Variants in PCNX2 observed in about 807,000 individuals in gnomAD.
The protein encoded by PCNX2 is pecanex 2, also known as pecanex-like protein 2.
A neutral mutation model predicts 223.8 loss-of-function variants in PCNX2; 168 were observed. The ratio of observed to expected loss-of-function variants is 0.75; its 90% CI spans 0.66 to 0.85. The LOEUF (loss-of-function observed/expected upper bound fraction) is 0.85. Among genes scored for constraint, PCNX2 ranks in the 40% least tolerant of loss-of-function variants. PCNX2 has a pLI of 0.00. For synonymous variants in PCNX2, 1,006 were observed against 1,052.6 expected, an observed-to-expected ratio of 0.96 and a Z score of 0.86; for missense variants, 2,507 against 2,675.5, an observed-to-expected ratio of 0.94 and a Z score of 1.39.
chr1:233,307,505 A>T, the PCNX2 span, among the ~76,000 whole-genome samples: 1 of 152,338 alleles, frequency 6.6e-6, no homozygotes, highest in African/African-American at 2.4e-5. Flanking sequence ...CCCCTTGTAC[A>T]GCCAGCAGAA....
At chr1:233,248,729 G>C (rs867270628) in intron 8 of PCNX2, among the ~76,000 whole-genome samples, 3 of 152,082 alleles carry the variant, frequency 2.0e-5, no homozygotes, top group African/African-American at 7.2e-5. Flanking sequence ...CTATTCTGTG[G>C]ACTTGAAAAG....
Position 233,160,378 on chromosome 1 carries a change from T to G in PCNX2, c.3422A>C (p.His1141Pro), listed in dbSNP as rs377006937. 2 of 1,613,566 alleles carry G rather than the reference T, an allele frequency of 1.2e-6. No homozygotes were observed. Among genetic ancestry groups the G allele is most frequent in the South Asian group, 2.2e-5 (2 of 91,076 alleles). ...CTTGCGGAGCTGAGGGAGCACGTAA[T>G]GTGTTACAAACCCCACGGCTCCAGC... The part of the protein sequence containing the change: ...ALAGAVGFVT[H>P]YVLPQLRKHH... The change falls in exon 19 of 34, where the codon CAT (histidine) becomes CCT (proline). Residue 1141 changes from histidine (H) to proline (P), a missense_variant. Physicochemically the swap from His to Pro is moderately conservative, Grantham distance 77 (BLOSUM62 -2). Around this residue, in one of 3 missense-constraint regions of PCNX2, gnomAD observed 1,372 missense variants for 1,509.4 expected, o/e 0.91. Coordinates refer to ENST00000258229, the MANE Select transcript of PCNX2 (RefSeq NM_014801.4).
At chr1:233,235,861 C>G (rs1658355947) in intron 9 of PCNX2, among the ~76,000 whole-genome samples, 1 of 150,128 alleles carries the variant, frequency 6.7e-6, no homozygotes, top group African/African-American at 2.4e-5. Context: ...CTTGGCCTCC[C>G]AAAGTGCTGG....
chr1:233,042,549 A>G (rs1233933971), intron 25 of PCNX2, among the ~76,000 whole-genome samples: 1 of 152,172 alleles, frequency 6.6e-6, no homozygotes, highest in Non-Finnish European at 1.5e-5. Context: ...ATTATATCCA[A>G]TCTCCTCCCT....
chr1:233,222,692 T>C (rs550299634), intron 10 of PCNX2, among the ~76,000 whole-genome samples: 6 of 152,030 alleles, frequency 3.9e-5, no homozygotes, highest in African/African-American at 1.4e-4. Flanking sequence ...ACAGCGAAAA[T>C]AACTTCCTAC....
intron 7 of PCNX2, among the ~76,000 whole-genome samples, 179 bp from the exon 8 acceptor site, chr1:233,251,011 A>G (rs1288901805): frequency 6.6e-6 from 1 of 152,234 alleles, no homozygotes; most frequent in Non-Finnish European, 1.5e-5. Flanking sequence ...AAGTTGAAGG[A>G]TGTCTGAAAG....
chr1:233,194,078 A>C (rs907220599), intron 15 of PCNX2, among the ~76,000 whole-genome samples: 4 of 152,230 alleles, frequency 2.6e-5, no homozygotes, highest in Admixed American at 6.5e-5. Flanking sequence ...TAAAAAAAAA[A>C]AACGCCATAC....
At chr1:233,034,741 CT>C (rs1315858690) in intron 25 of PCNX2, among the ~76,000 whole-genome samples, 1 of 152,104 alleles carries the variant, frequency 6.6e-6, no homozygotes, top group Non-Finnish European at 1.5e-5. Context: ...AAAATATTCC[CT>C]TTTTTTGCAT....
intron 21 of PCNX2, among the ~76,000 whole-genome samples, chr1:233,109,181 C>G (rs1295627656): frequency 6.6e-6 from 1 of 152,184 alleles, no homozygotes; most frequent in Non-Finnish European, 1.5e-5. Context: ...TATCAGAAGT[C>G]TAGCAAAGGA....
chr1:233,160,862 G>A (rs1345647670), intron 18 of PCNX2, among the ~76,000 whole-genome samples: 1 of 152,116 alleles, frequency 6.6e-6, no homozygotes, highest in Non-Finnish European at 1.5e-5. Flanking sequence ...TTTTCTAACT[G>A]AAAATCCTTT....
chr1:233,116,535 A>G (rs551919362), intron 21 of PCNX2, among the ~76,000 whole-genome samples: 3 of 152,346 alleles, frequency 2.0e-5, no homozygotes, highest in Admixed American at 1.3e-4. Context: ...GGAAAATGAC[A>G]TACTTCTAAA....
intron 15 of PCNX2, among the ~76,000 whole-genome samples, chr1:233,183,686 G>A (rs1219050816): frequency 6.6e-6 from 1 of 152,186 alleles, no homozygotes; most frequent in Non-Finnish European, 1.5e-5. Context: ...GTACCCAGAA[G>A]CATAACCATG....
chr1:233,129,285 C>T (rs1676297321), intron 21 of PCNX2, among the ~76,000 whole-genome samples: 1 of 152,216 alleles, frequency 6.6e-6, no homozygotes, highest in African/African-American at 2.4e-5. Context: ...GGTCCCCCAG[C>T]AGTGCCAGCC....
At position 233,017,023 on chromosome 1, in the gene PCNX2, G is replaced by A. The variant is rs747602738; in HGVS notation, c.4737C>T (p.Asn1579=). 1 of 1,613,968 alleles carries A rather than the reference G, an allele frequency of 6.2e-7. No homozygotes were observed. The highest frequency in any genetic ancestry group is 8.5e-7 in the Non-Finnish European group (1 of 1,179,890). The part of the protein sequence containing the change: ...IERDLAMFNI[N]IDDDYVPCLQ... ...GACACGGGACGTAGTCATCATCAAT[G>A]TTAATGTTGAACATTGCAAGGTCAC... is the stretch of plus-strand genomic sequence containing the variant. The change falls in exon 27 of 34, where the codon AAC becomes AAT. Residue 1579 remains asparagine, a synonymous_variant. Transcript: ENST00000258229.
At chr1:233,169,377 T>G (rs1237165316) in intron 17 of PCNX2, among the ~76,000 whole-genome samples, 1 of 152,076 alleles carries the variant, frequency 6.6e-6, no homozygotes, top group East Asian at 1.9e-4. Flanking sequence ...CCGGGCGCGG[T>G]GGCTCACGCC....
chr1:233,252,716 C>G lies in PCNX2; in HGVS notation c.1907G>C (p.Gly636Ala). 6.2e-7 allele frequency: 1 copy of G among 1,613,908 alleles called. No homozygotes were observed. Among genetic ancestry groups the G allele is most frequent in the Non-Finnish European group, 8.5e-7 (1 of 1,179,866 alleles). The change falls in exon 6 of 34, where the codon GGA becomes GCA. Residue 636 changes from glycine to alanine, a missense_variant. By Grantham distance (60) the Gly-to-Ala change is moderately conservative. Transcript: ENST00000258229. ...GTCTTGACTTTGCAAATCTGGTTTT[C>G]CTTGCTTAGAACTGTGTCCACTGGG... ...EKPSGHSSKQ[G>A]KPDLQSQDHT...
At chr1:232,993,679 G>C (rs1669782003) in intron 32 of PCNX2, among the ~76,000 whole-genome samples, 1 of 152,244 alleles carries the variant, frequency 6.6e-6, no homozygotes, top group Non-Finnish European at 1.5e-5. Flanking sequence ...GGGCATTTCA[G>C]AGATCTTCAC....
chr1:233,161,999 T>C (rs1458925791), intron 17 of PCNX2, among the ~76,000 whole-genome samples: 1 of 148,658 alleles, frequency 6.7e-6, no homozygotes, highest in Non-Finnish European at 1.5e-5. Flanking sequence ...TATTTATATA[T>C]ACATGTATGT....
chr1:233,141,333 C>T (rs1015047788), intron 19 of PCNX2, among the ~76,000 whole-genome samples: 4 of 152,160 alleles, frequency 2.6e-5, no homozygotes, highest in African/African-American at 4.8e-5. Flanking sequence ...AATATATCAT[C>T]TTGGTAACTC....
Sources: allele counts gnomAD v4.1 joint callset (sites outside exome capture counted in the v4.1 genomes callset), GRCh38; gene constraint gnomAD v4.1.1; regional missense constraint gnomAD v4.1.1; transcripts MANE v1.5; gene names NCBI Gene and HGNC (gene_info 2026-07-23, HGNC 2026-07-21).